ANO2: variants seen among roughly 807,000 people sequenced by gnomAD.
ANO2 encodes the protein anoctamin 2, also known as anoctamin-2.
Under a neutral mutation model 124.2 loss-of-function variants are expected in ANO2, and 101 were observed. The ratio of observed to expected loss-of-function variants is 0.81; its 90% CI spans 0.69 to 0.96. The LOEUF (loss-of-function observed/expected upper bound fraction) is 0.96. ANO2 is among the 40% of genes least tolerant of loss of function. ANO2 has a pLI of 0.00. For missense variants in ANO2, 1,293 were observed against 1,274.5 expected (o/e 1.01, Z -0.22); for synonymous variants, 486 against 482.5 (o/e 1.01, Z -0.09).
intron 1 of ANO2, among the ~76,000 whole-genome samples, chr12:5,944,033 A>G (rs988505313): frequency 5.3e-5 from 8 of 152,218 alleles, no homozygotes; most frequent in African/African-American, 1.7e-4. Context: ...ACCCACATAG[A>G]GGCAACTCAG....
chr12:5,835,258 T>C (rs1366989614), intron 4 of ANO2, among the ~76,000 whole-genome samples: 1 of 152,180 alleles, frequency 6.6e-6, no homozygotes, highest in Non-Finnish European at 1.5e-5. Flanking sequence ...CGGGCAATAG[T>C]GACAATCTTC....
chr12:5,807,465 A>C (rs1237268614), intron 7 of ANO2, 97 bp from the exon 8 acceptor site: 3 of 1,042,646 alleles, frequency 2.9e-6, no homozygotes, highest in Admixed American at 2.3e-5. Flanking sequence ...ATGCCCCCCC[A>C]GTTGAGAATC....
chr12:5,920,101 G>A (rs1425633919), intron 3 of ANO2, among the ~76,000 whole-genome samples: 3 of 151,294 alleles, frequency 2.0e-5, no homozygotes, highest in Non-Finnish European at 4.4e-5. Flanking sequence ...GCATGCATGG[G>A]TGGGTGGACA....
chr12:5,785,383 C>G (rs1952512562), intron 10 of ANO2, among the ~76,000 whole-genome samples: 1 of 152,042 alleles, frequency 6.6e-6, no homozygotes, highest in Non-Finnish European at 1.5e-5. Context: ...CAGGGTTGGG[C>G]ATGTTCCCAG....
chr12:5,564,261 GGCT>G (rs1320905858), intron 24 of ANO2, among the ~76,000 whole-genome samples: 9 of 152,054 alleles, frequency 5.9e-5, no homozygotes, highest in Non-Finnish European at 1.2e-4. Context: ...ACTTCCTCCT[GGCT>G]GCTAAGCCAC....
chr12:5,639,659 G>A (rs182202652), intron 15 of ANO2, among the ~76,000 whole-genome samples: 4 of 152,302 alleles, frequency 2.6e-5, no homozygotes, highest in Non-Finnish European at 5.9e-5. Context: ...GGCTGACACT[G>A]AGTGAGCAAG....
chr12:5,623,869 T>C (rs1663512851), intron 16 of ANO2, among the ~76,000 whole-genome samples: 1 of 152,068 alleles, frequency 6.6e-6, no homozygotes, highest in South Asian at 2.1e-4. Flanking sequence ...TGCCCTTCAT[T>C]TGGGAATGGG....
intron 22 of ANO2, among the ~76,000 whole-genome samples, chr12:5,577,037 G>A (rs770054200): frequency 3.9e-5 from 6 of 152,178 alleles, no homozygotes; most frequent in Admixed American, 6.5e-5. Context: ...ACGTCATTTC[G>A]TACTGTAGAT....
intron 14 of ANO2, among the ~76,000 whole-genome samples, chr12:5,688,615 T>C (rs190256452): frequency 6.6e-6 from 1 of 152,178 alleles, no homozygotes; most frequent in African/African-American, 2.4e-5. Flanking sequence ...AAATCTCAAT[T>C]AGGCATGCTG....
In ANO2 at chr12:5,925,927, TGAC is replaced by T. The variant is rs1474814488; in HGVS notation, c.23-3126_23-3124del. Among the ~76,000 whole-genome samples the T allele has an allele frequency of 1.3e-5, 2 of 152,232 alleles. No homozygotes were observed. Among genetic ancestry groups the T allele is most frequent in the African/African-American group, 4.8e-5 (2 of 41,466 alleles). Reference sequence around the variant, plus strand: ...AGAGACCTTCATTGTCACCTATTGCTGACGACACTTAAGTTTCACTCTAACTCT... The same window carrying T: ...AGAGACCTTCATTGTCACCTATTGCTGACACTTAAGTTTCACTCTAACTCT... On this transcript the variant is annotated intron_variant, in intron 1 of 24. Transcript: ENST00000682330. The surrounding 1 kb of genome is among the most constrained non-coding windows in gnomAD (Gnocchi z 4.6).
At chr12:5,940,889 C>T (rs1591819452) in intron 1 of ANO2, among the ~76,000 whole-genome samples, 1 of 152,146 alleles carries the variant, frequency 6.6e-6, no homozygotes, top group Non-Finnish European at 1.5e-5. Flanking sequence ...CAAAATGTAG[C>T]CTATCCACCC....
chr12:5,637,086 G>A (rs984065200), intron 15 of ANO2, among the ~76,000 whole-genome samples: 3 of 151,592 alleles, frequency 2.0e-5, no homozygotes, highest in Admixed American at 6.6e-5. Flanking sequence ...GGTGGGGAGC[G>A]GCAGAAACAC....
intron 10 of ANO2, among the ~76,000 whole-genome samples, chr12:5,786,684 C>T (rs956027804): frequency 5.3e-5 from 8 of 152,124 alleles, no homozygotes; most frequent in Non-Finnish European, 1.2e-4. Context: ...TCTCCGCCTC[C>T]CCACCACCTC....
chr12:5,776,013 C>T (rs566241844), intron 10 of ANO2, among the ~76,000 whole-genome samples: 73 of 152,326 alleles, frequency 4.8e-4, no homozygotes, highest in Middle Eastern at 6.8e-3. Flanking sequence ...TCTAGGCCTG[C>T]CAAGGCTATT....
At chr12:5,946,108 A>G (rs1308554692), upstream of ANO2, 5 of 1,606,696 alleles carry the variant, frequency 3.1e-6, no homozygotes, top group East Asian at 1.1e-4. This position sits in a 1 kb window ranked among gnomAD's most constrained non-coding sequence, Gnocchi z 4.1. Flanking sequence ...CAAAATGAAG[A>G]AGTACTATGT....
chr12:5,585,979 C>T (rs1262175164), intron 20 of ANO2, among the ~76,000 whole-genome samples: 1 of 152,188 alleles, frequency 6.6e-6, no homozygotes, highest in Non-Finnish European at 1.5e-5. Context: ...AACCACAATG[C>T]AGCTATGTTT....
chr12:5,662,556 C>G (rs538733611), intron 14 of ANO2, among the ~76,000 whole-genome samples: 1 of 152,294 alleles, frequency 6.6e-6, no homozygotes, highest in South Asian at 2.1e-4. Flanking sequence ...GTTCTAGCCT[C>G]CACCTATGGA....
chr12:5,726,922 C>T (rs1950463488), intron 14 of ANO2, among the ~76,000 whole-genome samples: 1 of 152,164 alleles, frequency 6.6e-6, no homozygotes, highest in African/African-American at 2.4e-5. Flanking sequence ...GTGGAAGAGA[C>T]CCAGAAGGCT....
Position 5,925,436 on chromosome 12 carries a change from G to C in ANO2, c.23-2632C>G, listed in dbSNP as rs1382279203. Reference sequence around the variant, plus strand: ...CTCTCCCTCTCCCCACAAGTGATTAGAGCACAGCACACGGTTCAGCCATCC... The same window carrying C: ...CTCTCCCTCTCCCCACAAGTGATTACAGCACAGCACACGGTTCAGCCATCC... On this transcript the variant is annotated intron_variant, in intron 1 of 24. Coordinates refer to ENST00000682330, the MANE Select transcript of ANO2 (RefSeq NM_001364791.2). The surrounding 1 kb of genome is among the most constrained non-coding windows in gnomAD (Gnocchi z 4.6). Among the ~76,000 whole-genome samples, 4 of 152,232 alleles carry C rather than the reference G, an allele frequency of 2.6e-5. No individual in the cohort carries two copies. In the East Asian group the frequency reaches 5.8e-4, roughly 22 times the overall value.
Sources: allele counts gnomAD v4.1 joint callset (sites outside exome capture counted in the v4.1 genomes callset), GRCh38; gene constraint gnomAD v4.1.1; non-coding constraint Gnocchi (gnomAD v3.1); transcripts MANE v1.5; gene names NCBI Gene and HGNC (gene_info 2026-07-23, HGNC 2026-07-21).